PIK3CB: variants seen among roughly 807,000 people sequenced by gnomAD.
PIK3CB encodes phosphatidylinositol 4,5-bisphosphate 3-kinase catalytic subunit beta isoform.
PIK3CB carries 39 observed loss-of-function variants against 136.8 expected under a neutral mutation model. The observed-to-expected ratio is 0.29, with a 90% CI of 0.22 to 0.37. The LOEUF (loss-of-function observed/expected upper bound fraction) is 0.37, where lower values mean the gene tolerates loss of function less well. Among genes scored for constraint, PIK3CB ranks in the 10% least tolerant of loss-of-function variants. PIK3CB has a pLI of 1.00. For missense variants in PIK3CB, 868 were observed against 1,275.4 expected (o/e 0.68, Z 4.87); for synonymous variants, 428 against 436.6 (o/e 0.98, Z 0.25).
intron 12 of PIK3CB, among the ~76,000 whole-genome samples, chr3:138,702,044 TA>T (rs2044265509): frequency 6.6e-6 from 1 of 151,424 alleles, no homozygotes. Context: ...TGTTTACAAT[TA>T]GCTCTGGAGA....
At chr3:138,748,206 C>A (rs1576383885) in intron 4 of PIK3CB, among the ~76,000 whole-genome samples, 1 of 148,564 alleles carries the variant, frequency 6.7e-6, no homozygotes, top group African/African-American at 2.5e-5. Flanking sequence ...CATCCTTAGA[C>A]CTCACAATTT....
rs1287178982 is a variant in PIK3CB, at chr3:138,694,819, C to T, written c.1859G>A (p.Arg620Gln). 2.5e-6 allele frequency: 4 copies of T among 1,613,140 alleles called. No individual in the cohort carries two copies. Among genetic ancestry groups the T allele is most frequent in the Non-Finnish European group, 3.4e-6 (4 of 1,179,678 alleles). Residue 620 changes from arginine (R) to glutamine (Q), a missense_variant, in exon 14 of 24, where the codon CGA (arginine) becomes CAA (glutamine). Arg to Gln is a conservative substitution (Grantham distance 43). Transcript: ENST00000674063. ...TCGCAGGCAGCCTACAGCATATTCT[C>T]GAACGTACTGGTCTGGATAGTTGAA... is the stretch of plus-strand genomic sequence containing the variant. ...LDFNYPDQYV[R>Q]EYAVGCLRQM...
At chr3:138,785,341 C>T (rs887754130) in intron 2 of PIK3CB, among the ~76,000 whole-genome samples, 2 of 152,076 alleles carry the variant, frequency 1.3e-5, no homozygotes, top group African/African-American at 2.4e-5. Flanking sequence ...TCATTGAGAA[C>T]GGGCCATGAT....
At chr3:138,700,203 C>T (rs2044221426) in intron 12 of PIK3CB, among the ~76,000 whole-genome samples, 1 of 152,088 alleles carries the variant, frequency 6.6e-6, no homozygotes, top group Admixed American at 6.6e-5. Context: ...GTCTGGGCAA[C>T]AAAGCGAGAC....
chr3:138,706,602 C>T (rs1358547386), intron 11 of PIK3CB, among the ~76,000 whole-genome samples: 1 of 152,128 alleles, frequency 6.6e-6, no homozygotes, highest in Admixed American at 6.6e-5. Context: ...AAAAATAGAA[C>T]AATTATGATT....
chr3:138,661,813 A>C (rs1239852512), intron 21 of PIK3CB, among the ~76,000 whole-genome samples: 1 of 152,214 alleles, frequency 6.6e-6, no homozygotes, highest in East Asian at 1.9e-4. Context: ...TTTTCATTCT[A>C]GTATGCCTCT....
Position 138,755,956 on chromosome 3 carries a change from A to G in PIK3CB, c.195T>C (p.Asn65=). 3 of 1,604,458 alleles carry G rather than the reference A, an allele frequency of 1.9e-6. No individual in the cohort carries two copies. The highest frequency in any genetic ancestry group is 2.6e-6 in the Non-Finnish European group (3 of 1,173,248). The part of the protein sequence containing the change: ...IKQMLWKQVH[N]YPMFNLLMDI... ...CCATAAGGAGGTTGAACATTGGGTA[A>G]TTGTGAACTTGCTTCCATAACATCT... The change falls in exon 4 of 24, where the codon AAT becomes AAC. Residue 65 remains asparagine (N), a synonymous_variant. Transcript: ENST00000674063.
intron 2 of PIK3CB, among the ~76,000 whole-genome samples, chr3:138,760,820 T>C (rs559513974): frequency 6.6e-6 from 1 of 152,204 alleles, no homozygotes; most frequent in Non-Finnish European, 1.5e-5. Flanking sequence ...GGCATGAGGA[T>C]TGCTTGAGTC....
chr3:138,794,554 G>A (rs2046087820), intron 2 of PIK3CB, among the ~76,000 whole-genome samples: 1 of 152,122 alleles, frequency 6.6e-6, no homozygotes, highest in Non-Finnish European at 1.5e-5. Flanking sequence ...AACTGTCTAT[G>A]AGATGCAGGA....
intron 8 of PIK3CB, among the ~76,000 whole-genome samples, chr3:138,730,823 T>C (rs1238436593): frequency 1.3e-5 from 2 of 152,038 alleles, no homozygotes; most frequent in Non-Finnish European, 2.9e-5. Context: ...TCCTAGCTAC[T>C]TGGGAGGCTG....
rs1227344941 is a variant in PIK3CB, at chr3:138,657,818, A to G, written c.2814T>C (p.Phe938=). 2 of 1,610,988 alleles carry G rather than the reference A, an allele frequency of 1.2e-6. No individual in the cohort carries two copies. Among genetic ancestry groups the G allele is most frequent in the Non-Finnish European group, 1.7e-6 (2 of 1,178,966 alleles). ...ATTTGAAATTTCCAAGAATATGTCC[A>G]AAGTCAATGTGGAAGAGCTGGAAAA... ...KKTGQLFHID[F]GHILGNFKSK... Residue 938 remains phenylalanine, a synonymous_variant, in exon 22 of 24, where the codon TTT becomes TTC. Transcript: ENST00000674063.
At position 138,654,154 on chromosome 3, in the gene PIK3CB, A is replaced by G. The variant is rs548965829; in HGVS notation, c.*1235T>C. The G allele has an allele frequency of 4.8e-6, 1 of 207,422 alleles. No individual in the cohort carries two copies. Among genetic ancestry groups the G allele is most frequent in the East Asian group, 7.4e-5 (1 of 13,544 alleles). 12.8% of individuals were successfully genotyped at this position (207,422 alleles called of 1,614,324 possible). ...GGGCAAATACTCAGTTCTCTTTCCC[A>G]TATCACCGAGGATTGAGAGCTCCCA... On this transcript the variant is annotated 3_prime_UTR_variant, in exon 24 of 24. Transcript: ENST00000674063.
At chr3:138,730,778 A>T (rs80066336) in intron 8 of PIK3CB, among the ~76,000 whole-genome samples, 4,602 of 152,144 alleles carry the variant, frequency 0.03, 237 homozygotes, top group African/African-American at 0.11. Flanking sequence ...AAATAAAAAT[A>T]AAAATTAGCT....
intron 1 of PIK3CB, among the ~76,000 whole-genome samples, chr3:138,829,949 G>A (rs1933949805): frequency 1.3e-5 from 2 of 152,056 alleles, no homozygotes; most frequent in Non-Finnish European, 2.9e-5. Context: ...AATCTTGAGA[G>A]GCAACAGCAG....
chr3:138,768,905 G>A (rs2045766814), intron 2 of PIK3CB, among the ~76,000 whole-genome samples: 1 of 152,234 alleles, frequency 6.6e-6, no homozygotes, highest in Non-Finnish European at 1.5e-5. Flanking sequence ...GCCTGAGAGG[G>A]CAGAGTGGGC....
chr3:138,666,907 A>C (rs2043421858), intron 19 of PIK3CB, among the ~76,000 whole-genome samples: 2 of 152,148 alleles, frequency 1.3e-5, no homozygotes, highest in African/African-American at 4.8e-5. Context: ...GCAGGAGTCA[A>C]AAAAGACTTC....
chr3:138,755,849 T>C lies in PIK3CB; in HGVS notation c.302A>G (p.Asp101Gly). The stretch of plus-strand genomic sequence containing the variant: ...GAGAACTGGAAGAAAAGGTCTGACA[T>C]CACAGAGTCTTCGTGTTTCATCTTC... ...ELEDETRRLC[D>G]VRPFLPVLKL... is the part of the protein sequence containing the mutation. The change falls in exon 4 of 24, where the codon GAT (aspartate) becomes GGT (glycine). Residue 101 changes from aspartate (D) to glycine (G), a missense_variant. Physicochemically the swap from Asp to Gly is moderately conservative, Grantham distance 94 (BLOSUM62 -1). This residue lies in a region of PIK3CB where 612 missense variants were observed against 801.1 expected (regional missense o/e 0.76). Coordinates refer to ENST00000674063, the MANE Select transcript of PIK3CB (RefSeq NM_006219.3). 6.2e-7 allele frequency: 1 copy of C among 1,613,032 alleles called. No individual in the cohort carries two copies. Among genetic ancestry groups the C allele is most frequent in the Non-Finnish European group, 8.5e-7 (1 of 1,179,122 alleles).
At chr3:138,688,228 A>G (rs1329539130) in intron 16 of PIK3CB, among the ~76,000 whole-genome samples, 1 of 151,924 alleles carries the variant, frequency 6.6e-6, no homozygotes, top group Non-Finnish European at 1.5e-5. Flanking sequence ...GCAGCCAGGT[A>G]CGGTGGCTCA....
At position 138,803,096 on chromosome 3, in the gene PIK3CB, G is replaced by A. The variant is rs189808965; in HGVS notation, c.-121-6529C>T. The stretch of plus-strand genomic sequence containing the variant: ...AACTTTTCAGAAAGTTCAGACCTGA[G>A]GGAACAAGGAAAGCAGATTCTAAAG... On this transcript the variant is annotated intron_variant, in intron 1 of 23. Transcript: ENST00000674063. Among the ~76,000 whole-genome samples, 5 of 152,244 alleles carry A rather than the reference G, an allele frequency of 3.3e-5. No homozygotes were observed. In the East Asian group the frequency reaches 9.6e-4, roughly 29 times the overall value.
Sources: allele counts gnomAD v4.1 joint callset (sites outside exome capture counted in the v4.1 genomes callset), GRCh38; gene constraint gnomAD v4.1.1; regional missense constraint gnomAD v4.1.1; transcripts MANE v1.5; gene names NCBI Gene and HGNC (gene_info 2026-07-23, HGNC 2026-07-21).